OLR1: variants seen among roughly 807,000 people sequenced by gnomAD.
OLR1 encodes oxidized low-density lipoprotein receptor 1.
Under a neutral mutation model 31.7 loss-of-function variants are expected in OLR1, and 23 were observed. That is an observed-to-expected ratio of 0.72 (90% CI 0.52 to 1.03). The LOEUF is 1.03. OLR1 is among the 50% of genes least tolerant of loss of function. The pLI is 0.00. For synonymous variants in OLR1, 117 were observed against 115.8 expected, an observed-to-expected ratio of 1.01 and a Z score of -0.07; for missense variants, 286 against 315.7, an observed-to-expected ratio of 0.91 and a Z score of 0.71.
intron 1 of OLR1, among the ~76,000 whole-genome samples, chr12:10,169,575 G>C (rs898849840): frequency 6.6e-6 from 1 of 152,180 alleles, no homozygotes; most frequent in African/African-American, 2.4e-5. Context: ...AGAGCCTGAA[G>C]TTTTTAATAT....
chr12:10,165,254 C>A, intron 3 of OLR1, among the ~76,000 whole-genome samples: 1 of 125,616 alleles, frequency 8.0e-6, no homozygotes, highest in African/African-American at 3.0e-5. Flanking sequence ...CAGAGCGAGA[C>A]TCCCTCTCAA....
intron 3 of OLR1, among the ~76,000 whole-genome samples, chr12:10,162,987 A>T (rs1014809340): frequency 2.6e-5 from 4 of 151,948 alleles, no homozygotes; most frequent in Admixed American, 6.6e-5. Context: ...ACACAAAAAT[A>T]AACAGAGTAA....
At chr12:10,167,089 A>G (rs1948669491) in intron 2 of OLR1, 132 bp from the exon 3 acceptor site, 1 of 819,024 alleles carries the variant, frequency 1.2e-6, no homozygotes, top group East Asian at 2.6e-5. Context: ...ACCCAGATTT[A>G]CTCAGAAGTT....
chr12:10,160,865 G>C lies in OLR1; in HGVS notation c.485C>G (p.Ser162Ter). Residue 162 changes from serine to a stop codon, truncating the protein, a stop_gained, in exon 4 of 6, where the codon TCA (serine) becomes TGA (stop). Transcript: ENST00000309539. LOFTEE classifies it high-confidence loss of function. ...CTCTTGGCTCTTTTCCCAGTTAAAT[G>C]AGCCCGAGGAAAATAGGTAACAGTT... ...GENCYLFSSG[S>*]FNWEKSQEKC... is the part of the protein sequence containing the mutation. 1.2e-6 allele frequency: 2 copies of C among 1,614,100 alleles called. No individual in the cohort carries two copies. The highest frequency in any genetic ancestry group is 2.2e-5 in the South Asian group (2 of 91,084).
upstream of OLR1, among the ~76,000 whole-genome samples, chr12:10,175,087 C>T (rs1948756348): frequency 6.6e-6 from 1 of 152,114 alleles, no homozygotes; most frequent in South Asian, 2.1e-4. Flanking sequence ...TTAGAGGGCT[C>T]TCATTATTCC....
In OLR1 at chr12:10,160,030, A is replaced by G. The variant is rs1307019587; in HGVS notation, c.681-9T>C. The G allele has an allele frequency of 6.3e-7, 1 of 1,588,732 alleles. No homozygotes were observed. The highest frequency in any genetic ancestry group is 8.6e-7 in the Non-Finnish European group (1 of 1,166,166). ...CGCCTCGGACTCTAAATCTGCAGGT[A>G]GGAAAAAACAAAACAAACCAACAAA... On this transcript the variant is annotated splice_polypyrimidine_tract_variant and intron_variant, in intron 5 of 5. Transcript: ENST00000309539.
intron 3 of OLR1, among the ~76,000 whole-genome samples, chr12:10,164,878 A>G (rs1267877712): frequency 6.6e-6 from 1 of 152,152 alleles, no homozygotes; most frequent in Non-Finnish European, 1.5e-5. Flanking sequence ...ATTTCTTCTT[A>G]TATAAATAGA....
upstream of OLR1, chr12:10,175,517 T>C (rs1948759285): frequency 6.6e-6 from 1 of 152,246 alleles, no homozygotes; most frequent in African/African-American, 2.4e-5. Context: ...TTTACCTTGC[T>C]GCTCACATAA....
intron 1 of OLR1, 111 bp from the exon 2 acceptor site, chr12:10,169,286 A>C (rs578212229): frequency 3.3e-6 from 2 of 611,696 alleles, no homozygotes; most frequent in Non-Finnish European, 5.4e-6. Flanking sequence ...TGTTTTAGTA[A>C]ATAGACATAA....
chr12:10,176,038 A>C (rs545227572), upstream of OLR1, among the ~76,000 whole-genome samples: 1 of 152,234 alleles, frequency 6.6e-6, no homozygotes, highest in Non-Finnish European at 1.5e-5. Flanking sequence ...CTACCTGGAC[A>C]TAAGCTAATG....
Position 10,166,743 on chromosome 12 carries a change from T to G in OLR1, c.393A>C (p.Gln131His), listed in dbSNP as rs1948665897. 6.2e-7 allele frequency: 1 copy of G among 1,613,974 alleles called. No homozygotes were observed. The highest frequency in any genetic ancestry group is 1.7e-5 in the Admixed American group (1 of 59,972). ...AATTTGCTACTCTCTTCAGTGTTTC[T>G]TGGAGATTCAGATTCTGGTGGTGAA... is the stretch of plus-strand genomic sequence containing the variant. ...MELHHQNLNL[Q>H]ETLKRVANCS... The change falls in exon 3 of 6, where the codon CAA (glutamine) becomes CAC (histidine). Residue 131 changes from glutamine (Q) to histidine (H), a missense_variant. Coordinates refer to ENST00000309539, the MANE Select transcript of OLR1 (RefSeq NM_002543.4).
chr12:10,167,010 C>T lies in OLR1; in HGVS notation c.179-53G>A, dbSNP rs35767296. The T allele has an allele frequency of 3.4e-4, 518 of 1,537,302 alleles. 4 individuals carry two copies. The African/African-American group carries it at 6.5e-3, about 19-fold the overall frequency. On this transcript the variant is annotated intron_variant, in intron 2 of 5. Transcript: ENST00000309539. ...GTTCTAATCCAAATAAAAATCCCTC[C>T]AGGGACTTTTTGAGGAAATCAAAAC...
chr12:10,169,330 T>C, intron 1 of OLR1, 155 bp from the exon 2 acceptor site: 2 of 487,214 alleles, frequency 4.1e-6, no homozygotes, highest in Non-Finnish European at 7.2e-6. Flanking sequence ...GTCCTCCAAA[T>C]GGCTCTGCAA....
rs201175448 is a variant in OLR1 at position 10,161,768 on chromosome 12, GA to G, written c.425-844del. ...ACAAAAGATTTTGAAAACTTAATTT[GA>G]AAAAGAAAAAGAATGTAAAATAGTC... On this transcript the variant is annotated intron_variant, in intron 3 of 5. Coordinates refer to ENST00000309539, the MANE Select transcript of OLR1 (RefSeq NM_002543.4). Among the ~76,000 whole-genome samples, 452 of 151,644 alleles carry G rather than the reference GA, an allele frequency of 3.0e-3. 3 individuals carry two copies. The highest frequency in any genetic ancestry group is 4.4e-3 in the Non-Finnish European group (301 of 67,902).
chr12:10,171,908 G>T, intron 1 of OLR1, 94 bp downstream of exon 1: 1 of 848,434 alleles, frequency 1.2e-6, no homozygotes, highest in East Asian at 2.5e-5. Flanking sequence ...CCATACTTGG[G>T]TGTTTAGCTT....
intron 2 of OLR1, among the ~76,000 whole-genome samples, chr12:10,168,675 G>A (rs1948682625): frequency 6.6e-6 from 1 of 152,104 alleles, no homozygotes; most frequent in Non-Finnish European, 1.5e-5. Context: ...TGTATTTTTA[G>A]TAGAGATGGG....
Position 10,159,917 on chromosome 12 carries a change from C to T in OLR1, c.785G>A (p.Ser262Asn), listed in dbSNP as rs577739742. The T allele has an allele frequency of 1.9e-6, 3 of 1,613,956 alleles. No homozygotes were observed. Among genetic ancestry groups the T allele is most frequent in the East Asian group, 2.2e-5 (1 of 44,884 alleles). Residue 262 changes from serine to asparagine, a missense_variant, in exon 6 of 6, where the codon AGT becomes AAT. Ser to Asn is a conservative substitution (Grantham distance 46). Transcript: ENST00000309539. ...YAENCILAAF[S>N]ICQKKANLRA... ...TAGGTTTGCCTTCTTCTGACATATA[C>T]TGAAGGCAGCTAAAATGCAGTTTTC... is the stretch of plus-strand genomic sequence containing the variant.
upstream of OLR1, among the ~76,000 whole-genome samples, chr12:10,173,449 A>G (rs896545423): frequency 6.6e-6 from 1 of 152,122 alleles, no homozygotes; most frequent in African/African-American, 2.4e-5. Flanking sequence ...CCTGTTTCCT[A>G]TATTCCTTTT....
chr12:10,172,632 T>A (rs1269794047), upstream of OLR1, among the ~76,000 whole-genome samples: 2 of 152,180 alleles, frequency 1.3e-5, no homozygotes, highest in African/African-American at 4.8e-5. Flanking sequence ...CGATGGTGTG[T>A]CCTGGGTGAT....
Sources: gnomAD v4.1 joint callset for allele counts (sites outside exome capture counted in the v4.1 genomes callset) on GRCh38, gnomAD v4.1.1 for gene constraint, MANE v1.5 for transcripts, NCBI Gene and HGNC (gene_info 2026-07-23, HGNC 2026-07-21) for gene names.